The following PACS2 variants were observed in gnomAD, a reference collection of about 807,000 sequenced individuals.
The protein encoded by PACS2 is phosphofurin acidic cluster sorting protein 2.
In PACS2, 36 loss-of-function variants were observed where a neutral mutation model predicts 113.0. The ratio of observed to expected loss-of-function variants is 0.32; its 90% CI spans 0.24 to 0.42. PACS2 has a LOEUF of 0.42. PACS2 is among the 10% of genes least tolerant of loss of function. The pLI is 1.00. For synonymous variants in PACS2, 589 were observed against 536.1 expected, an observed-to-expected ratio of 1.10 and a Z score of -1.36; for missense variants, 1,015 against 1,239.5, an observed-to-expected ratio of 0.82 and a Z score of 2.72.
chr14:105,390,586 C>T, intron 20 of PACS2: 1 of 167,202 alleles, frequency 6.0e-6, no homozygotes, highest in South Asian at 1.5e-4. Flanking sequence ...AGACAGGTTG[C>T]CCAGGCAGCG....
Position 105,355,266 on chromosome 14 carries a change from G to A in PACS2, c.423+89G>A. On this transcript the variant is annotated intron_variant, in intron 4 of 24. Transcript: ENST00000447393. This position sits in a 1 kb window ranked among gnomAD's most constrained non-coding sequence, Gnocchi z 4.1. ...GTGGGAGATGGAGATGTCTCTCCCG[G>A]GTCCAGATGTCCAGGGATCAGGTGA... 1 of 1,430,954 alleles carries A rather than the reference G, an allele frequency of 7.0e-7. No homozygotes were observed. The highest frequency in any genetic ancestry group is 9.5e-7 in the Non-Finnish European group (1 of 1,057,168). The allele number at this position is 1,430,954 out of a possible 1,614,324, so 88.6% of individuals were successfully genotyped here.
At chr14:105,373,187 G>A (rs1555409714) in intron 8 of PACS2, among the ~76,000 whole-genome samples, 1 of 152,242 alleles carries the variant, frequency 6.6e-6, no homozygotes, top group Non-Finnish European at 1.5e-5. Flanking sequence ...AAATTCAAGT[G>A]CGTATCAGAT....
At position 105,348,025 on chromosome 14, in the gene PACS2, G is replaced by A. The variant is rs1019348228; in HGVS notation, c.120-468G>A. Among the ~76,000 whole-genome samples the A allele has an allele frequency of 8.5e-5, 13 of 152,094 alleles. No individual in the cohort carries two copies. Among genetic ancestry groups the A allele is most frequent in the Middle Eastern group, 3.2e-3 (1 of 316 alleles). On this transcript the variant is annotated intron_variant, in intron 1 of 24. Coordinates refer to ENST00000447393, the MANE Select transcript of PACS2 (RefSeq NM_001100913.3). This position sits in a 1 kb window ranked among gnomAD's most constrained non-coding sequence, Gnocchi z 6.4. Reference sequence around the variant, plus strand: ...GAAATGAACAGAAGGAAGGTTGGGGGAAAGCGTATCCCAGCTATGGGCAGG... The same window carrying A: ...GAAATGAACAGAAGGAAGGTTGGGGAAAAGCGTATCCCAGCTATGGGCAGG...
chr14:105,367,024 A>G (rs2060964887), intron 4 of PACS2, among the ~76,000 whole-genome samples, 189 bp from the exon 5 acceptor site: 1 of 151,976 alleles, frequency 6.6e-6, no homozygotes, highest in East Asian at 1.9e-4. Flanking sequence ...CTCCTCTCGT[A>G]TCTGTCCCCT....
At chr14:105,384,843 A>C in intron 17 of PACS2, 36 bp from the exon 18 acceptor site, 6 of 1,298,462 alleles carry the variant, frequency 4.6e-6, no homozygotes, top group Non-Finnish European at 6.5e-6. Flanking sequence ...CCCACCTGGC[A>C]CCAGCCTAAC....
At chr14:105,318,862 G>A (rs587727241) in intron 1 of PACS2, among the ~76,000 whole-genome samples, 10 of 150,956 alleles carry the variant, frequency 6.6e-5, no homozygotes, top group Admixed American at 1.3e-4. Context: ...GGGTTTCACC[G>A]TGTTAGCCAG....
upstream of PACS2, among the ~76,000 whole-genome samples, chr14:105,314,220 C>T (rs952588034): frequency 2.0e-5 from 3 of 151,520 alleles, no homozygotes; most frequent in Non-Finnish European, 4.4e-5. Flanking sequence ...GCGGGGCCCG[C>T]ACAGCCGGGC....
chr14:105,385,621 C>T, intron 18 of PACS2, 64 bp from the exon 19 acceptor site: 2 of 1,211,940 alleles, frequency 1.7e-6, no homozygotes, highest in African/African-American at 1.5e-5. Context: ...CCTCGGCGGT[C>T]CCTGGAGGGG....
Position 105,357,223 on chromosome 14 carries a change from G to A in PACS2, c.423+2046G>A, listed in dbSNP as rs2060487525. ...CCCTCACCTGTCCTCCCAGCCTTGG[G>A]CTGTCCCCTCCTGATCCCCGGGGAG... On this transcript the variant is annotated intron_variant, in intron 4 of 24. Transcript: ENST00000447393. This position sits in a 1 kb window ranked among gnomAD's most constrained non-coding sequence, Gnocchi z 5.1. 6.6e-6 allele frequency among the ~76,000 whole-genome samples: 1 copy of A among 152,110 alleles called. No individual in the cohort carries two copies. The highest frequency in any genetic ancestry group is 2.1e-4 in the South Asian group (1 of 4,830).
intron 24 of PACS2, chr14:105,394,336 C>CT (rs2081473479): frequency 4.1e-6 from 4 of 985,200 alleles, no homozygotes; most frequent in South Asian, 9.4e-5. Flanking sequence ...CCCCAGGGCT[C>CT]TGAGTGTGGA....
chr14:105,381,661 G>A (rs587598076), intron 12 of PACS2, among the ~76,000 whole-genome samples: 8 of 152,220 alleles, frequency 5.3e-5, no homozygotes, highest in Admixed American at 2.0e-4. Context: ...GGCCTGGCTC[G>A]AAGTCTCACA....
rs1430445947 is a variant in PACS2, at chr14:105,329,697, T to C, written c.119+14660T>C. Among the ~76,000 whole-genome samples the C allele has an allele frequency of 6.6e-6, 1 of 152,142 alleles. No individual in the cohort carries two copies. The highest frequency in any genetic ancestry group is 1.9e-4 in the East Asian group (1 of 5,190). On this transcript the variant is annotated intron_variant, in intron 1 of 24. Transcript: ENST00000447393. The surrounding 1 kb of genome is among the most constrained non-coding windows in gnomAD (Gnocchi z 6.4). ...GTCTAGGTGCGCACCTGGAGTCCTT[T>C]CCTGCGTGACTTGCAAACAGGCCTT...
intron 1 of PACS2, among the ~76,000 whole-genome samples, chr14:105,318,763 A>G (rs1054315781): frequency 2.6e-5 from 4 of 151,408 alleles, no homozygotes; most frequent in Non-Finnish European, 2.9e-5. Flanking sequence ...GGTTCACACC[A>G]TTCTCCTGCC....
chr14:105,324,585 C>T lies in PACS2; in HGVS notation c.119+9548C>T, dbSNP rs1049601322. Among the ~76,000 whole-genome samples, 5 of 152,178 alleles carry T rather than the reference C, an allele frequency of 3.3e-5. No homozygotes were observed. Among genetic ancestry groups the T allele is most frequent in the South Asian group, 4.1e-4 (2 of 4,836 alleles). Reference sequence around the variant, plus strand: ...AGGCCGTCCCTTTCTGCTCCGCAGGCGCGCGCCGATGTGTGCTCAGCTCAG... The same window carrying T: ...AGGCCGTCCCTTTCTGCTCCGCAGGTGCGCGCCGATGTGTGCTCAGCTCAG... On this transcript the variant is annotated intron_variant, in intron 1 of 24. Coordinates refer to ENST00000447393, the MANE Select transcript of PACS2 (RefSeq NM_001100913.3). This position sits in a 1 kb window ranked among gnomAD's most constrained non-coding sequence, Gnocchi z 4.7.
At position 105,348,393 on chromosome 14, in the gene PACS2, A is replaced by G; in HGVS notation, c.120-100A>G. The G allele has an allele frequency of 2.1e-5, 18 of 855,524 alleles. No individual in the cohort carries two copies. The highest frequency in any genetic ancestry group is 3.2e-5 in the Non-Finnish European group (17 of 534,858). 53.0% of individuals were successfully genotyped at this position (855,524 alleles called of 1,614,324 possible). ...GCAGTCACACCCCGCCCTGCACCCC[A>G]GGGTGCAGGCTCCCGGGGTGACACA... On this transcript the variant is annotated intron_variant, in intron 1 of 24. Transcript: ENST00000447393. The surrounding 1 kb of genome is among the most constrained non-coding windows in gnomAD (Gnocchi z 6.4).
Position 105,315,026 on chromosome 14 carries a change from C to T in PACS2, c.108C>T (p.Ser36=), listed in dbSNP as rs755739390. 8.2e-7 allele frequency: 1 copy of T among 1,219,366 alleles called. No homozygotes were observed. Among genetic ancestry groups the T allele is most frequent in the South Asian group, 1.9e-5 (1 of 53,284 alleles). 75.5% of individuals were successfully genotyped at this position (1,219,366 alleles called of 1,614,324 possible). Residue 36 remains serine, a synonymous_variant, in exon 1 of 25, where the codon AGC becomes AGT. Coordinates refer to ENST00000447393, the MANE Select transcript of PACS2 (RefSeq NM_001100913.3). The surrounding 1 kb of genome is among the most constrained non-coding windows in gnomAD (Gnocchi z 4.4). ...GGGAGGTGGACGGCTCCAGCCCCAG[C>T]TGCGTGCCCAGGTACGCGCCGCCCG... is the stretch of plus-strand genomic sequence containing the variant. ...ATWEVDGSSP[S]CVPRLCSLTL...
chr14:105,342,283 A>G (rs1266084293), intron 1 of PACS2, among the ~76,000 whole-genome samples: 1 of 150,762 alleles, frequency 6.6e-6, no homozygotes. Flanking sequence ...TATGTGTGAG[A>G]GAGAGAGAGA....
chr14:105,367,417 G>C (rs1555408233), intron 5 of PACS2, 42 bp downstream of exon 5: 1 of 1,592,792 alleles, frequency 6.3e-7, no homozygotes, highest in East Asian at 2.2e-5. Context: ...GCTGTGGGGA[G>C]GCCCTGCCTT....
chr14:105,324,895 C>T lies in PACS2; in HGVS notation c.119+9858C>T, dbSNP rs1165256354. ...GCCGCTCAACAGAGGAGTCAGGACC[C>T]AAAAGGGGCAGAAATGGGCAAGGGA... On this transcript the variant is annotated intron_variant, in intron 1 of 24. Transcript: ENST00000447393. The surrounding 1 kb of genome is among the most constrained non-coding windows in gnomAD (Gnocchi z 4.7). 1.3e-5 allele frequency among the ~76,000 whole-genome samples: 2 copies of T among 152,030 alleles called. No individual in the cohort carries two copies. The highest frequency in any genetic ancestry group is 3.9e-4 in the East Asian group (2 of 5,168).
Sources: allele counts gnomAD v4.1 joint callset (sites outside exome capture counted in the v4.1 genomes callset), GRCh38; gene constraint gnomAD v4.1.1; non-coding constraint Gnocchi (gnomAD v3.1); transcripts MANE v1.5; gene names NCBI Gene and HGNC (gene_info 2026-07-23, HGNC 2026-07-21).